SORL1: variants seen among roughly 807,000 people sequenced by gnomAD.
SORL1 encodes the protein sortilin-related receptor.
SORL1 carries 127 observed loss-of-function variants against 273.7 expected under a neutral mutation model. That is an observed-to-expected ratio of 0.46 (90% confidence interval 0.40 to 0.54). The LOEUF is 0.54. SORL1 is among the 20% of genes least tolerant of loss of function. The pLI, the probability that SORL1 is intolerant of heterozygous loss-of-function variation, is 0.00. For missense variants in SORL1, 2,494 were observed against 2,846.1 expected (o/e 0.88, Z 2.81); for synonymous variants, 1,031 against 1,067.4 (o/e 0.97, Z 0.66).
rs941832077 is a variant in SORL1 at position 121,558,652 on chromosome 11, G to A, written c.2725G>A (p.Gly909Ser). 3 of 1,613,972 alleles carry A rather than the reference G, an allele frequency of 1.9e-6. No individual in the cohort carries two copies. In the African/African-American group the frequency reaches 4.0e-5, roughly 22 times the overall value. The change falls in exon 20 of 48, where the codon GGT becomes AGT. Residue 909 changes from glycine (G) to serine (S), a missense_variant. Physicochemically the swap from Gly to Ser is moderately conservative, Grantham distance 56. This residue lies in a region of SORL1 where 1,609 missense variants were observed against 1,816.4 expected (regional missense o/e 0.89). Coordinates refer to ENST00000260197, the MANE Select transcript of SORL1 (RefSeq NM_003105.6). ...TGGGATTTATCGGAGCAATATGGAT[G>A]GTTCTGCTGCCTATCACCTGGTGTC... The part of the protein sequence containing the change: ...KPGIYRSNMD[G>S]SAAYHLVSED...
intron 29 of SORL1, 152 bp from the exon 30 acceptor site, chr11:121,589,888 C>T: frequency 1.2e-6 from 1 of 834,988 alleles, no homozygotes; most frequent in East Asian, 2.5e-5. Flanking sequence ...ATTTTTTGTT[C>T]CCCATTGGGT....
chr11:121,535,189 T>C (rs1172540018), intron 12 of SORL1, among the ~76,000 whole-genome samples: 1 of 152,100 alleles, frequency 6.6e-6, no homozygotes, highest in Non-Finnish European at 1.5e-5. Flanking sequence ...TCCATGTCAA[T>C]GACAACCCCT....
chr11:121,508,552 C>T (rs545301014), intron 6 of SORL1, among the ~76,000 whole-genome samples: 1 of 152,316 alleles, frequency 6.6e-6, no homozygotes, highest in African/African-American at 2.4e-5. Flanking sequence ...ATAATGCAGC[C>T]TTCCTGTGAG....
intron 35 of SORL1, 46 bp downstream of exon 35, chr11:121,605,617 C>T (rs780045001): frequency 6.5e-6 from 10 of 1,540,602 alleles, no homozygotes; most frequent in South Asian, 2.3e-5. Context: ...GACCTCAGGT[C>T]GGGGTTTGTG....
At position 121,627,884 on chromosome 11, in the gene SORL1, T is replaced by TC; in HGVS notation, c.6577+118dup. 1.5e-6 allele frequency: 1 copy of TC among 665,180 alleles called. No homozygotes were observed. Among genetic ancestry groups the TC allele is most frequent in the Non-Finnish European group, 2.5e-6 (1 of 392,680 alleles). 41.2% of individuals were successfully genotyped at this position (665,180 alleles called of 1,614,324 possible). A position where few individuals can be genotyped will look rare whatever the true frequency, so the allele number is the denominator to read the frequency against. On this transcript the variant is annotated intron_variant, in intron 47 of 47. Coordinates refer to ENST00000260197, the MANE Select transcript of SORL1 (RefSeq NM_003105.6). The surrounding 1 kb of genome is among the most constrained non-coding windows in gnomAD (Gnocchi z 4.9). Reference sequence around the variant, plus strand: ...CTTTTGACCCTGGAGGAGCTCTTCATCAGCCAGCGATTTGATTCCATGAGT... The same window carrying TC: ...CTTTTGACCCTGGAGGAGCTCTTCATCCAGCCAGCGATTTGATTCCATGAGT...
intron 7 of SORL1, among the ~76,000 whole-genome samples, chr11:121,513,438 T>G (rs1270564770): frequency 2.0e-5 from 3 of 152,196 alleles, no homozygotes; most frequent in Non-Finnish European, 4.4e-5. Flanking sequence ...AAGTAACTGC[T>G]GGATTGCTTG....
chr11:121,581,218 C>A (rs1484375150), intron 25 of SORL1, among the ~76,000 whole-genome samples: 1 of 152,192 alleles, frequency 6.6e-6, no homozygotes, highest in African/African-American at 2.4e-5. Flanking sequence ...TCATGCGTTT[C>A]TTTATAGTCT....
rs752299559 is a variant in SORL1, at chr11:121,604,205, C to T, written c.4532C>T (p.Thr1511Ile). The change falls in exon 33 of 48, where the codon ACC (threonine) becomes ATC (isoleucine). Residue 1511 changes from threonine (T) to isoleucine (I), a missense_variant. By Grantham distance (89) the Thr-to-Ile change is moderately conservative. This residue lies in a region of SORL1 where 1,609 missense variants were observed against 1,816.4 expected (regional missense o/e 0.89). Transcript: ENST00000260197. ...RDEANCPTHSTLTCMSREFQC... is the reference protein window; with the variant it reads ...RDEANCPTHSILTCMSREFQC... ...CTCTGTGTTTCAGCCACACACAGCA[C>T]CTTGACTTGCATGAGCAGGGAGTTC... 1.7e-5 allele frequency: 28 copies of T among 1,613,992 alleles called. No homozygotes were observed. In the Admixed American group the frequency reaches 3.3e-4, roughly 19 times the overall value.
chr11:121,472,283 A>G (rs989254597), intron 2 of SORL1, among the ~76,000 whole-genome samples: 2 of 152,230 alleles, frequency 1.3e-5, no homozygotes, highest in Non-Finnish European at 2.9e-5. Context: ...CTGTGTTGAG[A>G]AATCCTTCTT....
At chr11:121,543,869 A>G (rs1862384321) in intron 13 of SORL1, 143 bp downstream of exon 13, 1 of 675,798 alleles carries the variant, frequency 1.5e-6, no homozygotes, top group Non-Finnish European at 2.4e-6. Flanking sequence ...AGCAAAAAGC[A>G]TAGGGAGGTA....
intron 21 of SORL1, among the ~76,000 whole-genome samples, chr11:121,564,740 G>T (rs977769903): frequency 6.6e-6 from 1 of 150,412 alleles, no homozygotes; most frequent in East Asian, 2.1e-4. Context: ...GGCTAATTTT[G>T]CTTATTTTTT....
At chr11:121,523,842 G>A (rs1379278993) in intron 11 of SORL1, among the ~76,000 whole-genome samples, 2 of 152,210 alleles carry the variant, frequency 1.3e-5, no homozygotes, top group Non-Finnish European at 2.9e-5. Context: ...TCTCAGAACA[G>A]CTAGCAGACA....
intron 5 of SORL1, among the ~76,000 whole-genome samples, chr11:121,496,234 G>C (rs1861627223): frequency 6.6e-6 from 1 of 152,234 alleles, no homozygotes; most frequent in South Asian, 2.1e-4. Flanking sequence ...CGAGAGTGTG[G>C]TGTTTGCAAA....
At chr11:121,626,825 C>A (rs1863801279) in intron 46 of SORL1, 1 of 152,182 alleles carries the variant, frequency 6.6e-6, no homozygotes, top group Non-Finnish European at 1.5e-5. Flanking sequence ...CCTACCCCAG[C>A]AGGATGGGAC....
In SORL1 at chr11:121,488,180, A is replaced by C; in HGVS notation, c.677A>C (p.His226Pro). The C allele has an allele frequency of 6.2e-7, 1 of 1,613,918 alleles. No homozygotes were observed. The highest frequency in any genetic ancestry group is 1.1e-5 in the South Asian group (1 of 91,068). ...SNLLLGFDRS[H>P]PNKQLWKSDD... Reference sequence around the variant, plus strand: ...CTTCTCTTGGGCTTTGACAGGTCCCACCCCAACAAGCAGGTAAGAGGGCTT... The same window carrying C: ...CTTCTCTTGGGCTTTGACAGGTCCCCCCCCAACAAGCAGGTAAGAGGGCTT... Residue 226 changes from histidine to proline, a missense_variant, in exon 4 of 48, where the codon CAC (histidine) becomes CCC (proline). His to Pro is a moderately conservative substitution (Grantham distance 77). Coordinates refer to ENST00000260197, the MANE Select transcript of SORL1 (RefSeq NM_003105.6).
chr11:121,496,969 C>G lies in SORL1; in HGVS notation c.859C>G (p.Arg287Gly), dbSNP rs767203396. ...CCGAAGTACAGATTTCTTCCAGTCC[C>G]GGGAAAACCAGGAAGTGATCCTTGA... Reference protein sequence around the residue: ...VFRSTDFFQSRENQEVILEEV... With the variant: ...VFRSTDFFQSGENQEVILEEV... The change falls in exon 6 of 48, where the codon CGG (arginine) becomes GGG (glycine). Residue 287 changes from arginine to glycine, a missense_variant. Physicochemically the swap from Arg to Gly is moderately radical, Grantham distance 125. Coordinates refer to ENST00000260197, the MANE Select transcript of SORL1 (RefSeq NM_003105.6). 6.2e-7 allele frequency: 1 copy of G among 1,614,048 alleles called. No homozygotes were observed. Among genetic ancestry groups the G allele is most frequent in the Non-Finnish European group, 8.5e-7 (1 of 1,179,978 alleles).
intron 3 of SORL1, among the ~76,000 whole-genome samples, chr11:121,480,043 T>A (rs1861348597): frequency 6.6e-6 from 1 of 152,146 alleles, no homozygotes. Flanking sequence ...GGCTCCTCCG[T>A]GAGGTGAGGA....
At chr11:121,512,976 A>G in intron 6 of SORL1, 27 bp from the exon 7 acceptor site, 1 of 1,504,040 alleles carries the variant, frequency 6.6e-7, no homozygotes, top group East Asian at 2.3e-5. Flanking sequence ...GGCACCATTA[A>G]TTTTTTTTTC....
intron 32 of SORL1, among the ~76,000 whole-genome samples, chr11:121,602,509 G>A (rs1045148647): frequency 1.3e-5 from 2 of 152,088 alleles, no homozygotes; most frequent in African/African-American, 4.8e-5. Context: ...AATATCCCTG[G>A]ATCCTTTATC....
Sources: allele counts gnomAD v4.1 joint callset (sites outside exome capture counted in the v4.1 genomes callset), GRCh38; gene constraint gnomAD v4.1.1; regional missense constraint gnomAD v4.1.1; non-coding constraint Gnocchi (gnomAD v3.1); transcripts MANE v1.5; gene names NCBI Gene and HGNC (gene_info 2026-07-23, HGNC 2026-07-21).